Variants in B3GALT1 observed in about 807,000 individuals in gnomAD.
The protein encoded by B3GALT1 is beta-1,3-galactosyltransferase 1.
A neutral mutation model predicts 23.2 loss-of-function variants in B3GALT1; 10 were observed. The ratio of observed to expected loss-of-function variants is 0.43; its 90% CI spans 0.27 to 0.73. The LOEUF is 0.73. Among genes scored for constraint, B3GALT1 ranks in the 30% least tolerant of loss-of-function variants. The probability of loss-of-function intolerance (pLI) is 0.21; values close to 1 mark genes in which losing one functional copy is unlikely to be tolerated. For missense variants in B3GALT1, 299 were observed against 405.4 expected, an observed-to-expected ratio of 0.74 and a Z score of 2.25; for synonymous variants, 156 against 141.5, an observed-to-expected ratio of 1.10 and a Z score of -0.73.
intron 1 of B3GALT1, among the ~76,000 whole-genome samples, chr2:167,362,755 G>A (rs1238713176): frequency 6.6e-6 from 1 of 152,148 alleles, no homozygotes; most frequent in Non-Finnish European, 1.5e-5. Flanking sequence ...TAAAACGCAT[G>A]TTGTGTGCAA....
At chr2:167,650,729 T>G (rs144617374) in intron 3 of B3GALT1, among the ~76,000 whole-genome samples, 63 of 152,262 alleles carry the variant, frequency 4.1e-4, no homozygotes, top group African/African-American at 1.4e-3. Flanking sequence ...CTATTTCTCT[T>G]TAAGCAAATT....
intron 4 of B3GALT1, among the ~76,000 whole-genome samples, chr2:167,849,490 C>T (rs911167373): frequency 6.6e-6 from 1 of 152,154 alleles, no homozygotes; most frequent in African/African-American, 2.4e-5. Context: ...AAAGGACACC[C>T]TTTTCAACAA....
At chr2:167,616,945 G>A (rs796204987) in intron 2 of B3GALT1, among the ~76,000 whole-genome samples, 45 of 152,202 alleles carry the variant, frequency 3.0e-4, no homozygotes, top group African/African-American at 9.4e-4. Flanking sequence ...AGACAATCAT[G>A]TCAGTTAGCA....
chr2:167,512,606 AT>A (rs1700035230), intron 2 of B3GALT1, among the ~76,000 whole-genome samples: 2 of 95,320 alleles, frequency 2.1e-5, no homozygotes, highest in South Asian at 3.3e-4. Context: ...ATATATATAT[AT>A]GTATATATAT....
intron 3 of B3GALT1, among the ~76,000 whole-genome samples, chr2:167,669,862 C>G (rs1176795268): frequency 6.6e-6 from 1 of 152,022 alleles, no homozygotes; most frequent in Admixed American, 6.5e-5. Flanking sequence ...AATTTCTCAC[C>G]CCACCCAGAA....
At chr2:167,296,396 C>T (rs1255291979) in intron 1 of B3GALT1, among the ~76,000 whole-genome samples, 2 of 152,134 alleles carry the variant, frequency 1.3e-5, no homozygotes, top group African/African-American at 2.4e-5. Flanking sequence ...TTTTCTAAAA[C>T]TAACAATGTT....
intron 1 of B3GALT1, among the ~76,000 whole-genome samples, chr2:167,303,718 A>C (rs1696499123): frequency 6.6e-6 from 1 of 151,542 alleles, no homozygotes; most frequent in African/African-American, 2.4e-5. Flanking sequence ...TTACTGGAGA[A>C]CCCTAATACA....
intron 1 of B3GALT1, among the ~76,000 whole-genome samples, chr2:167,352,455 C>T (rs1249222130): frequency 6.6e-6 from 1 of 151,160 alleles, no homozygotes; most frequent in East Asian, 2.0e-4. Flanking sequence ...GGGGCAGTGG[C>T]TCACGCCTGT....
intron 4 of B3GALT1, among the ~76,000 whole-genome samples, chr2:167,852,628 G>A (rs938727944): frequency 6.6e-6 from 1 of 152,064 alleles, no homozygotes; most frequent in Non-Finnish European, 1.5e-5. Context: ...TAAATCAGAG[G>A]CAGAAATTTG....
rs999857962 is a variant in B3GALT1 at position 167,293,169 on chromosome 2, G to A, written c.-676G>A. 4.6e-5 allele frequency: 7 copies of A among 151,602 alleles called. No individual in the cohort carries two copies. Among genetic ancestry groups the A allele is most frequent in the African/African-American group, 1.4e-4 (6 of 41,390 alleles). 9.4% of individuals were successfully genotyped at this position (151,602 alleles called of 1,614,324 possible). A position where few individuals can be genotyped will look rare whatever the true frequency, so the allele number is the denominator to read the frequency against. ...GTCTTGCAGGCGGCCGCCGGGGAGGGGCGGCCGAGAGAGCGGAGCACGAGG... is the reference window on the plus strand; with the variant it reads ...GTCTTGCAGGCGGCCGCCGGGGAGGAGCGGCCGAGAGAGCGGAGCACGAGG... On this transcript the variant is annotated 5_prime_UTR_variant, in exon 1 of 5. Coordinates refer to ENST00000392690, the MANE Select transcript of B3GALT1 (RefSeq NM_020981.4).
intron 1 of B3GALT1, among the ~76,000 whole-genome samples, chr2:167,382,214 A>G (rs1159235361): frequency 6.6e-6 from 1 of 152,150 alleles, no homozygotes; most frequent in Non-Finnish European, 1.5e-5. Flanking sequence ...GCAAAACTTC[A>G]TTGGTTTGGA....
At chr2:167,443,557 T>G (rs1191546838) in intron 1 of B3GALT1, among the ~76,000 whole-genome samples, 3 of 152,186 alleles carry the variant, frequency 2.0e-5, no homozygotes, top group Non-Finnish European at 4.4e-5. Flanking sequence ...TGAGCAGTGG[T>G]TTGTAGTTCT....
chr2:167,867,169 G>GC lies in B3GALT1; in HGVS notation c.-229-1636dup, dbSNP rs1553498309. Among the ~76,000 whole-genome samples the GC allele has an allele frequency of 8.5e-5, 13 of 152,148 alleles. No individual in the cohort carries two copies. In the East Asian group the frequency reaches 9.7e-4, roughly 11 times the overall value. On this transcript the variant is annotated intron_variant, in intron 4 of 4. Transcript: ENST00000392690. Reference sequence around the variant, plus strand: ...TCTCGATCTCCTGACCTCGTGATCCGCCCCCCTTGGCCTCCCAAAGTGCTG... The same window carrying GC: ...TCTCGATCTCCTGACCTCGTGATCCGCCCCCCCTTGGCCTCCCAAAGTGCTG...
At chr2:167,510,897 C>A (rs914454517) in intron 2 of B3GALT1, among the ~76,000 whole-genome samples, 1 of 151,766 alleles carries the variant, frequency 6.6e-6, no homozygotes, top group Non-Finnish European at 1.5e-5. Flanking sequence ...AGCATATAGA[C>A]AATATTTAAA....
At chr2:167,313,017 A>G (rs1169532181) in intron 1 of B3GALT1, among the ~76,000 whole-genome samples, 4 of 152,084 alleles carry the variant, frequency 2.6e-5, no homozygotes, top group Admixed American at 6.6e-5. Context: ...GTTTTATTCT[A>G]TTTATCTGGA....
chr2:167,541,010 A>C (rs1258734387), intron 2 of B3GALT1, among the ~76,000 whole-genome samples: 1 of 152,142 alleles, frequency 6.6e-6, no homozygotes, highest in African/African-American at 2.4e-5. Flanking sequence ...TTTAAAATGG[A>C]ATTTTTTGTT....
chr2:167,464,337 T>C (rs1440732307), intron 1 of B3GALT1, among the ~76,000 whole-genome samples: 1 of 152,202 alleles, frequency 6.6e-6, no homozygotes, highest in Non-Finnish European at 1.5e-5. Flanking sequence ...TCATTCTTCT[T>C]TTCAGAGAAG....
intron 3 of B3GALT1, among the ~76,000 whole-genome samples, chr2:167,720,055 T>C (rs1687206868): frequency 6.6e-6 from 1 of 152,080 alleles, no homozygotes; most frequent in Non-Finnish European, 1.5e-5. Context: ...AGCAAACTAG[T>C]GTGTGGTTTC....
intron 2 of B3GALT1, among the ~76,000 whole-genome samples, chr2:167,574,646 A>G: frequency 6.6e-6 from 1 of 151,720 alleles, no homozygotes; most frequent in East Asian, 1.9e-4. Flanking sequence ...AGCTCAAATT[A>G]TACCATGTTT....
Sources: gnomAD v4.1 joint callset for allele counts (sites outside exome capture counted in the v4.1 genomes callset) on GRCh38, gnomAD v4.1.1 for gene constraint, MANE v1.5 for transcripts, NCBI Gene and HGNC (gene_info 2026-07-23, HGNC 2026-07-21) for gene names.